The following VWA2 variants were observed in gnomAD, a reference collection of about 807,000 sequenced individuals.
VWA2 encodes the protein von Willebrand factor A domain-containing protein 2.
Under a neutral mutation model 70.4 loss-of-function variants are expected in VWA2, and 73 were observed. The observed-to-expected ratio is 1.04, with a 90% CI of 0.86 to 1.26. VWA2 has a LOEUF of 1.26. Ranked by LOEUF, VWA2 falls within the 50% of genes most tolerant of loss-of-function variation. The pLI is 0.00. For missense variants in VWA2, 1,011 were observed against 998.5 expected (o/e 1.01, Z -0.17); for synonymous variants, 407 against 423.3 (o/e 0.96, Z 0.47).
intron 11 of VWA2, among the ~76,000 whole-genome samples, chr10:114,288,045 G>A (rs536841436): frequency 3.9e-5 from 6 of 152,120 alleles, no homozygotes; most frequent in Non-Finnish European, 8.8e-5. Flanking sequence ...TCCATACTTA[G>A]AATTTCCAGT....
At chr10:114,266,237 C>A (rs1301110208) in intron 5 of VWA2, among the ~76,000 whole-genome samples, 1 of 151,848 alleles carries the variant, frequency 6.6e-6, no homozygotes, top group African/African-American at 2.4e-5. Flanking sequence ...GCAGAGCTTG[C>A]AGTGAGCCGA....
chr10:114,289,577 C>A, intron 12 of VWA2, 88 bp downstream of exon 12: 1 of 1,466,586 alleles, frequency 6.8e-7, no homozygotes, highest in Non-Finnish European at 9.4e-7. Context: ...AGGATGGCAG[C>A]TCTTCCCAGC....
chr10:114,289,729 G>C (rs752391769), intron 12 of VWA2: 8 of 567,298 alleles, frequency 1.4e-5, no homozygotes, highest in South Asian at 8.2e-5. Flanking sequence ...CCAAACTTGA[G>C]AATTTATGCA....
intron 10 of VWA2, 94 bp downstream of exon 10, chr10:114,285,064 G>A (rs1433579069): frequency 3.8e-6 from 4 of 1,041,994 alleles, no homozygotes; most frequent in Non-Finnish European, 5.4e-6. Context: ...CTGCTGGGTA[G>A]AAACTGGCCC....
intron 1 of VWA2, among the ~76,000 whole-genome samples, chr10:114,248,049 A>G (rs2037110864): frequency 2.0e-5 from 3 of 151,536 alleles, no homozygotes. Context: ...CGGAGGTTGC[A>G]GTGAGCCAAG....
At chr10:114,247,351 T>C (rs139246271) in intron 1 of VWA2, among the ~76,000 whole-genome samples, 1 of 152,264 alleles carries the variant, frequency 6.6e-6, no homozygotes, top group East Asian at 1.9e-4. Flanking sequence ...TAGGAACACA[T>C]GCTCTACCTC....
At chr10:114,241,757 A>G (rs933820812) in intron 1 of VWA2, among the ~76,000 whole-genome samples, 1 of 152,230 alleles carries the variant, frequency 6.6e-6, no homozygotes, top group Non-Finnish European at 1.5e-5. Context: ...CAGCAACACT[A>G]CGAGGTTGTT....
At chr10:114,285,001 C>A in intron 10 of VWA2, 31 bp downstream of exon 10, 2 of 1,510,658 alleles carry the variant, frequency 1.3e-6, no homozygotes, top group Non-Finnish European at 8.9e-7. Flanking sequence ...CAAGACTGAC[C>A]ACTGGGGAGC....
At chr10:114,280,243 G>A (rs908349537) in intron 8 of VWA2, among the ~76,000 whole-genome samples, 7 of 152,186 alleles carry the variant, frequency 4.6e-5, no homozygotes, top group Admixed American at 2.0e-4. Context: ...TACCCACTGA[G>A]GGCCTCCTGT....
rs79862722 is a variant in VWA2 at position 114,282,708 on chromosome 10, G to A, written c.889+137G>A. 5,097 of 710,836 alleles carry A rather than the reference G, an allele frequency of 7.2e-3. 198 individuals are homozygous for A. In the African/African-American group the frequency reaches 0.079, roughly 11 times the overall value. 44.0% of individuals were successfully genotyped at this position (710,836 alleles called of 1,614,324 possible). ...GGGCAGAGGGATGGGGCACTTGGGG[G>A]GCAGAGGAGAGTGTGCTCTTGACTC... On this transcript the variant is annotated intron_variant, in intron 9 of 13. Transcript: ENST00000392982.
At chr10:114,286,775 C>T (rs1181163172) in intron 11 of VWA2, among the ~76,000 whole-genome samples, 1 of 152,232 alleles carries the variant, frequency 6.6e-6, no homozygotes, top group Non-Finnish European at 1.5e-5. Flanking sequence ...AAGCACTCAG[C>T]AAACTCTAGG....
chr10:114,282,478 C>T (rs536548644), intron 8 of VWA2, 38 bp from the exon 9 acceptor site: 13 of 1,580,418 alleles, frequency 8.2e-6, no homozygotes, highest in Admixed American at 1.7e-5. Context: ...CCCCTTACAC[C>T]TCTGATCTGT....
At chr10:114,240,622 C>A (rs1454882099) in intron 1 of VWA2, among the ~76,000 whole-genome samples, 1 of 152,152 alleles carries the variant, frequency 6.6e-6, no homozygotes, top group Non-Finnish European at 1.5e-5. Context: ...TAAGGTGACA[C>A]TATATTAAGA....
Position 114,253,644 on chromosome 10 carries a change from C to A in VWA2, c.53-7C>A, listed in dbSNP as rs570065470. ...TTAATGGCTGCTTCTGGTGTTTTCTCTCCTAGTGCCCCCATCTCTCCCTCT... is the reference window on the plus strand; with the variant it reads ...TTAATGGCTGCTTCTGGTGTTTTCTATCCTAGTGCCCCCATCTCTCCCTCT... On this transcript the variant is annotated splice_region_variant and splice_polypyrimidine_tract_variant and intron_variant, in intron 2 of 13. Transcript: ENST00000392982. The A allele has an allele frequency of 6.2e-7, 1 of 1,611,726 alleles. No homozygotes were observed. Among genetic ancestry groups the A allele is most frequent in the East Asian group, 2.2e-5 (1 of 44,696 alleles).
At chr10:114,250,598 G>A (rs1305631867) in intron 2 of VWA2, among the ~76,000 whole-genome samples, 1 of 152,210 alleles carries the variant, frequency 6.6e-6, no homozygotes, top group African/African-American at 2.4e-5. Context: ...ATTGGCTACT[G>A]TTAATACCTG....
intron 1 of VWA2, among the ~76,000 whole-genome samples, chr10:114,240,100 C>T (rs1441561227): frequency 6.6e-6 from 1 of 152,200 alleles, no homozygotes; most frequent in African/African-American, 2.4e-5. Flanking sequence ...ACGAGTGCCC[C>T]CAGCGAAGTG....
intron 2 of VWA2, among the ~76,000 whole-genome samples, chr10:114,250,900 T>C (rs1306322480): frequency 1.3e-5 from 2 of 152,188 alleles, no homozygotes; most frequent in Non-Finnish European, 2.9e-5. Flanking sequence ...TGCAATCACA[T>C]GCACTTGTTC....
chr10:114,269,970 C>G (rs1185364065), intron 5 of VWA2, among the ~76,000 whole-genome samples: 1 of 152,176 alleles, frequency 6.6e-6, no homozygotes, highest in Non-Finnish European at 1.5e-5. Context: ...CAGTTTAGAA[C>G]AGGAGTTGGC....
rs139711767 is a variant in VWA2 at position 114,269,365 on chromosome 10, G to A, written c.372-3375G>A. On this transcript the variant is annotated intron_variant, in intron 5 of 13. Coordinates refer to ENST00000392982, the MANE Select transcript of VWA2 (RefSeq NM_001272046.2). The stretch of plus-strand genomic sequence containing the variant: ...GGAGGCCAGGGCGGGCAGATCACCT[G>A]AGGTCAGGAGTTTGAGACCAGCCTG... Among the ~76,000 whole-genome samples, 161 of 152,322 alleles carry A rather than the reference G, an allele frequency of 1.1e-3. 2 individuals carry two copies. In the East Asian group the frequency reaches 0.024, roughly 23 times the overall value.
Sources: gnomAD v4.1 joint callset for allele counts (sites outside exome capture counted in the v4.1 genomes callset) on GRCh38, gnomAD v4.1.1 for gene constraint, MANE v1.5 for transcripts, NCBI Gene and HGNC (gene_info 2026-07-23, HGNC 2026-07-21) for gene names.